MAF: variants seen among roughly 807,000 people sequenced by gnomAD.
The protein encoded by MAF is transcription factor Maf.
MAF carries 10 observed loss-of-function variants against 22.0 expected under a neutral mutation model. The observed-to-expected ratio is 0.45, with a 90% CI of 0.28 to 0.77. The LOEUF (loss-of-function observed/expected upper bound fraction) is 0.77. Ranked by LOEUF, MAF falls within the 30% of genes least tolerant of loss-of-function variation. The pLI, the probability that MAF is intolerant of heterozygous loss-of-function variation, is 0.12. For synonymous variants in MAF, 337 were observed against 255.8 expected (o/e 1.32, Z -3.03); for missense variants, 544 against 548.4 (o/e 0.99, Z 0.08).
the MAF span, among the ~76,000 whole-genome samples, chr16:79,371,625 C>T: frequency 3.3e-5 from 5 of 152,162 alleles, no homozygotes; most frequent in Non-Finnish European, 7.4e-5. Flanking sequence ...TATGCTGTTC[C>T]CTTTGTGTGA....
At chr16:79,336,515 G>A in the MAF span, among the ~76,000 whole-genome samples, 3 of 152,328 alleles carry the variant, frequency 2.0e-5, no homozygotes, top group South Asian at 6.2e-4. Flanking sequence ...CTAGAATGTG[G>A]TGGATACTCA....
the MAF span, chr16:79,212,926 A>ATGAC: frequency 6.6e-6 from 1 of 152,178 alleles, no homozygotes; most frequent in African/African-American, 2.4e-5. Flanking sequence ...AAAAAGAAAA[A>ATGAC]TGACTATTGT....
the MAF span, among the ~76,000 whole-genome samples, chr16:79,221,326 C>G: frequency 6.6e-6 from 1 of 152,124 alleles, no homozygotes; most frequent in Non-Finnish European, 1.5e-5. Context: ...TGAGCAGATC[C>G]TCCCTGGGAA....
At chr16:79,396,646 C>T in the MAF span, among the ~76,000 whole-genome samples, 1 of 152,180 alleles carries the variant, frequency 6.6e-6, no homozygotes, top group Non-Finnish European at 1.5e-5. Context: ...AATAGTACTT[C>T]CTTCATAAGG....
chr16:79,215,864 T>C, the MAF span, among the ~76,000 whole-genome samples: 3 of 151,846 alleles, frequency 2.0e-5, no homozygotes, highest in East Asian at 3.9e-4. Context: ...TCAGAAGTTA[T>C]CTACGTTACT....
At chr16:79,544,764 C>T in the MAF span, among the ~76,000 whole-genome samples, 1 of 115,810 alleles carries the variant, frequency 8.6e-6, no homozygotes, top group South Asian at 3.2e-4. Context: ...CAGAGCAAGG[C>T]TCTGTCTCAA....
the MAF span, among the ~76,000 whole-genome samples, chr16:79,268,279 C>T: frequency 1.3e-5 from 2 of 152,016 alleles, no homozygotes; most frequent in Admixed American, 6.6e-5. Context: ...AAAATGTAGT[C>T]GTCTCAGCCT....
At chr16:79,541,803 G>C in the MAF span, among the ~76,000 whole-genome samples, 394 of 151,806 alleles carry the variant, frequency 2.6e-3, 5 homozygotes, top group Non-Finnish European at 5.2e-4. Flanking sequence ...TTAAAGGCAG[G>C]CACCACCACG....
Position 79,599,963 on chromosome 16 carries a change from C to T in MAF, c.-61G>A, listed in dbSNP as rs1244654354. On this transcript the variant is annotated 5_prime_UTR_variant, in exon 1 of 2. Coordinates refer to ENST00000326043, the MANE Select transcript of MAF (RefSeq NM_005360.5). ...GCCAGATGGGCTGCAGGAGAGGGGC[C>T]AGCGGGCTGTGCTGGGTGGCCAGCG... The T allele has an allele frequency of 1.9e-6, 3 of 1,595,212 alleles. No homozygotes were observed. The highest frequency in any genetic ancestry group is 3.3e-5 in the Admixed American group (2 of 59,866).
the MAF span, among the ~76,000 whole-genome samples, chr16:79,280,538 C>T: frequency 6.6e-6 from 1 of 152,218 alleles, no homozygotes; most frequent in Non-Finnish European, 1.5e-5. Context: ...ATTCTTCCAC[C>T]ATGAGGGATC....
the MAF span, among the ~76,000 whole-genome samples, chr16:79,249,860 T>C: frequency 6.6e-6 from 1 of 152,246 alleles, no homozygotes; most frequent in East Asian, 1.9e-4. Flanking sequence ...TTATATTCCT[T>C]GAGTCTGTAA....
At chr16:79,455,262 C>G in the MAF span, among the ~76,000 whole-genome samples, 1 of 152,008 alleles carries the variant, frequency 6.6e-6, no homozygotes, top group Non-Finnish European at 1.5e-5. Flanking sequence ...CAGAAGAAAG[C>G]TTAGTATATG....
chr16:79,464,677 A>G, the MAF span, among the ~76,000 whole-genome samples: 5 of 152,210 alleles, frequency 3.3e-5, no homozygotes, highest in African/African-American at 1.2e-4. Context: ...GAAAACCATG[A>G]CAACTGGTAG....
At chr16:79,310,238 C>G in the MAF span, among the ~76,000 whole-genome samples, 4 of 152,096 alleles carry the variant, frequency 2.6e-5, no homozygotes, top group Admixed American at 1.3e-4. Flanking sequence ...AATGCCCTCA[C>G]GGTCTCATTT....
chr16:79,261,564 G>A, the MAF span, among the ~76,000 whole-genome samples: 2 of 152,166 alleles, frequency 1.3e-5, no homozygotes, highest in Admixed American at 6.5e-5. Context: ...CAAATAATCC[G>A]GGGGACTTCT....
At chr16:79,360,694 G>A in the MAF span, among the ~76,000 whole-genome samples, 3 of 152,192 alleles carry the variant, frequency 2.0e-5, no homozygotes, top group South Asian at 4.1e-4. Context: ...GACAAGTTTT[G>A]TCTTTTCTGC....
the MAF span, among the ~76,000 whole-genome samples, chr16:79,314,967 AT>A: frequency 6.6e-6 from 1 of 152,300 alleles, no homozygotes; most frequent in East Asian, 1.9e-4. Flanking sequence ...TTATTTCTCC[AT>A]TGTTCCTCTG....
chr16:79,566,786 G>T, the MAF span, among the ~76,000 whole-genome samples: 72 of 152,304 alleles, frequency 4.7e-4, no homozygotes, highest in African/African-American at 1.7e-3. Flanking sequence ...ACACTTCATG[G>T]AAATGGGACT....
At chr16:79,596,401 G>C in intron 1 of MAF, 1 of 1,057,578 alleles carries the variant, frequency 9.5e-7, no homozygotes, top group Non-Finnish European at 1.1e-6. Flanking sequence ...CCTTCCACTG[G>C]AGAAAAGGAT....
Sources: gnomAD v4.1 joint callset for allele counts (sites outside exome capture counted in the v4.1 genomes callset) on GRCh38, gnomAD v4.1.1 for gene constraint, MANE v1.5 for transcripts, NCBI Gene and HGNC (gene_info 2026-07-23, HGNC 2026-07-21) for gene names.